HEATR5A: variants seen among roughly 807,000 people sequenced by gnomAD.
The protein encoded by HEATR5A is HEAT repeat-containing protein 5A.
Under a neutral mutation model 218.8 loss-of-function variants are expected in HEATR5A, and 178 were observed. That is an observed-to-expected ratio of 0.81 (90% confidence interval 0.72 to 0.92). The LOEUF is 0.92. HEATR5A is among the 40% of genes least tolerant of loss of function. HEATR5A has a pLI of 0.00. For synonymous variants in HEATR5A, 864 were observed against 871.6 expected (o/e 0.99, Z 0.15); for missense variants, 2,420 against 2,418.9 (o/e 1.00, Z -0.01).
At chr14:31,380,937 A>G (rs2029953207) in intron 10 of HEATR5A, among the ~76,000 whole-genome samples, 1 of 152,192 alleles carries the variant, frequency 6.6e-6, no homozygotes, top group South Asian at 2.1e-4. Context: ...GTTTTCTTAC[A>G]GGAGTCTCTC....
intron 14 of HEATR5A, among the ~76,000 whole-genome samples, chr14:31,360,430 A>G (rs1296541207): frequency 6.6e-6 from 1 of 152,186 alleles, no homozygotes; most frequent in Non-Finnish European, 1.5e-5. Flanking sequence ...AGGTTAGTTC[A>G]TAAGTGGTAT....
intron 4 of HEATR5A, among the ~76,000 whole-genome samples, chr14:31,396,932 A>T (rs2030677221): frequency 1.3e-5 from 2 of 152,214 alleles, no homozygotes. Context: ...TAACCAGTGG[A>T]ATTAGGAGGA....
At chr14:31,300,135 A>C (rs1422250647) in intron 33 of HEATR5A, among the ~76,000 whole-genome samples, 1 of 151,872 alleles carries the variant, frequency 6.6e-6, no homozygotes, top group Middle Eastern at 3.2e-3. Flanking sequence ...GTACCATCCA[A>C]CTTCATTTCT....
Position 31,293,476 on chromosome 14 carries a change from C to T in HEATR5A, c.5970G>A (p.Gln1990=), listed in dbSNP as rs532597070. The change falls in exon 36 of 36, where the codon CAG becomes CAA. Residue 1990 remains glutamine (Q), a synonymous_variant. Coordinates refer to ENST00000543095, the MANE Select transcript of HEATR5A (RefSeq NM_015473.4). Reference sequence around the variant, plus strand: ...CTAAACTTTTAAAAACAGATGAATACTGAGGTCCAATTTGCATGAGATTTT... The same window carrying T: ...CTAAACTTTTAAAAACAGATGAATATTGAGGTCCAATTTGCATGAGATTTT... ...ALQNLMQIGP[Q]YSSVFKSLVA... is the part of the protein sequence containing the mutation. 33 of 1,613,942 alleles carry T rather than the reference C, an allele frequency of 2.0e-5. No individual in the cohort carries two copies. The Middle Eastern group carries it at 6.6e-4, about 32-fold the overall frequency.
intron 13 of HEATR5A, among the ~76,000 whole-genome samples, chr14:31,367,925 TGAAG>T (rs758079779): frequency 3.9e-5 from 6 of 152,096 alleles, no homozygotes; most frequent in Non-Finnish European, 8.8e-5. Flanking sequence ...TGGCAATCAT[TGAAG>T]GAAGTATGGA....
At chr14:31,405,112 A>G (rs2031013757) in intron 1 of HEATR5A, among the ~76,000 whole-genome samples, 1 of 149,802 alleles carries the variant, frequency 6.7e-6, no homozygotes, top group Non-Finnish European at 1.5e-5. Flanking sequence ...GGTCATTTTC[A>G]AAAATGTCAC....
chr14:31,323,555 T>C lies in HEATR5A; in HGVS notation c.3787+10A>G, dbSNP rs2139169161. On this transcript the variant is annotated intron_variant, in intron 24 of 35. Coordinates refer to ENST00000543095, the MANE Select transcript of HEATR5A (RefSeq NM_015473.4). ...ATATCATTTGGTGTTTTCATCACTA[T>C]GTCACTTACTTCTTGAATCTCTTTT... 6.3e-7 allele frequency: 1 copy of C among 1,578,586 alleles called. No individual in the cohort carries two copies. Among genetic ancestry groups the C allele is most frequent in the Non-Finnish European group, 8.6e-7 (1 of 1,160,110 alleles).
rs576321465 is a variant in HEATR5A at position 31,301,848 on chromosome 14, C to T, written c.5464+447G>A. Among the ~76,000 whole-genome samples the T allele has an allele frequency of 9.7e-4, 126 of 130,346 alleles. No individual in the cohort carries two copies. In the East Asian group the frequency reaches 0.016, roughly 17 times the overall value. The allele number at this position is 130,346 out of a possible 152,430, so 85.5% of individuals were successfully genotyped here. A position where few individuals can be genotyped will look rare whatever the true frequency, so the allele number is the denominator to read the frequency against. On this transcript the variant is annotated intron_variant, in intron 33 of 35. Transcript: ENST00000543095. ...TTTTTTTTTTTTTGAGACAGAGTCT[C>T]GCTCTGTTGTCCAGGCTGGAGTGCA...
chr14:31,308,948 A>T lies in HEATR5A; in HGVS notation c.4676T>A (p.Phe1559Tyr), dbSNP rs1425967658. 6.2e-7 allele frequency: 1 copy of T among 1,612,956 alleles called. No homozygotes were observed. The highest frequency in any genetic ancestry group is 8.5e-7 in the Non-Finnish European group (1 of 1,179,222). ...GTTTAACTGACCTAAAATAAGATGG[A>T]ATCTATCAGTGTAGACATCCTCAGG... ...KSPEDVYTDR[F>Y]HLILGISVEF... The change falls in exon 29 of 36, where the codon TTC becomes TAC. Residue 1559 changes from phenylalanine (F) to tyrosine (Y), a missense_variant. Phe to Tyr is a conservative substitution (Grantham distance 22). Coordinates refer to ENST00000543095, the MANE Select transcript of HEATR5A (RefSeq NM_015473.4).
chr14:31,386,599 T>A (rs1036056951), intron 8 of HEATR5A, 24 bp from the exon 9 acceptor site: 2 of 1,554,392 alleles, frequency 1.3e-6, no homozygotes, highest in African/African-American at 2.7e-5. Flanking sequence ...AAGAATTAAC[T>A]ATGCATAACC....
In HEATR5A at chr14:31,368,641, C is replaced by G. The variant is rs562097738; in HGVS notation, c.1961+3169G>C. Among the ~76,000 whole-genome samples, 25 of 152,194 alleles carry G rather than the reference C, an allele frequency of 1.6e-4. No individual in the cohort carries two copies. In the South Asian group the frequency reaches 4.8e-3, roughly 29 times the overall value. ...ATTGAGGTGCTCAAGCAATCATTCC[C>G]GCCTCAGCCTCCTGTGTAGCTAGGA... is the stretch of plus-strand genomic sequence containing the variant. On this transcript the variant is annotated intron_variant, in intron 13 of 35. Coordinates refer to ENST00000543095, the MANE Select transcript of HEATR5A (RefSeq NM_015473.4).
chr14:31,349,656 G>T, intron 18 of HEATR5A, 133 bp downstream of exon 18: 4 of 624,176 alleles, frequency 6.4e-6, no homozygotes, highest in Non-Finnish European at 1.1e-5. Flanking sequence ...CTTTCCTTTA[G>T]CAGTCAACAT....
intron 14 of HEATR5A, among the ~76,000 whole-genome samples, chr14:31,361,438 A>G (rs187605255): frequency 6.6e-6 from 1 of 152,314 alleles, no homozygotes; most frequent in African/African-American, 2.4e-5. Flanking sequence ...GCTCAAAGGA[A>G]TGTCTAAGTT....
In HEATR5A at chr14:31,295,926, C is replaced by T. The variant is rs369593350; in HGVS notation, c.5602G>A (p.Glu1868Lys). The T allele has an allele frequency of 5.1e-5, 82 of 1,613,470 alleles. No homozygotes were observed. The highest frequency in any genetic ancestry group is 6.7e-5 in the Non-Finnish European group (79 of 1,179,674). Residue 1868 changes from glutamate to lysine, a missense_variant, in exon 34 of 36, where the codon GAG becomes AAG. By Grantham distance (56) the Glu-to-Lys change is moderately conservative. Coordinates refer to ENST00000543095, the MANE Select transcript of HEATR5A (RefSeq NM_015473.4). Reference protein sequence around the residue: ...RCIDKFKATLEIKDPVVQIKT... With the variant: ...RCIDKFKATLKIKDPVVQIKT... ...ACACTTACCACAGGATCTTTTATCT[C>T]AAGAGTAGCTTTAAATTTATCAATA...
chr14:31,296,352 T>C (rs1899187461), intron 33 of HEATR5A: 3 of 288,018 alleles, frequency 1.0e-5, no homozygotes, highest in Non-Finnish European at 2.0e-5. Context: ...GACATCTAAC[T>C]CCATCTTCAG....
Position 31,349,830 on chromosome 14 carries a change from A to G in HEATR5A, c.2667T>C (p.Asp889=), listed in dbSNP as rs561031857. Residue 889 remains aspartate, a synonymous_variant, in exon 18 of 36, where the codon GAT becomes GAC. Coordinates refer to ENST00000543095, the MANE Select transcript of HEATR5A (RefSeq NM_015473.4). ...SWARLAQVVD[D]GAFTAGLAQV... is the part of the protein sequence containing the mutation. ...GAGCTAATCCAGCAGTAAAAGCTCC[A>G]TCATCTACCACTTGGGCTAATCTAG... The G allele has an allele frequency of 3.6e-5, 58 of 1,613,386 alleles. 1 individual carries two copies. In the South Asian group the frequency reaches 6.2e-4, roughly 17 times the overall value.
chr14:31,340,340 G>T, intron 21 of HEATR5A: 1 of 513,990 alleles, frequency 1.9e-6, no homozygotes, highest in Non-Finnish European at 3.2e-6. Context: ...TTAATGGTTC[G>T]CTTAAAAAAA....
chr14:31,397,658 C>CAAA (rs537734132), intron 4 of HEATR5A, among the ~76,000 whole-genome samples: 4 of 75,746 alleles, frequency 5.3e-5, no homozygotes, highest in Admixed American at 4.4e-4. Context: ...GACTCCGTCT[C>CAAA]AAAAAAAAAA....
intron 1 of HEATR5A, among the ~76,000 whole-genome samples, chr14:31,418,697 CAA>C (rs1158117605): frequency 1.3e-5 from 2 of 152,110 alleles, no homozygotes; most frequent in African/African-American, 2.4e-5. Context: ...AAGGATTGTT[CAA>C]ACTCTTCAAT....
Sources: allele counts gnomAD v4.1 joint callset (sites outside exome capture counted in the v4.1 genomes callset), GRCh38; gene constraint gnomAD v4.1.1; transcripts MANE v1.5; gene names NCBI Gene and HGNC (gene_info 2026-07-23, HGNC 2026-07-21).